Variants in CD8B2 observed in about 807,000 individuals in gnomAD.
CD8B2 encodes the protein CD8B family member 2.
A neutral mutation model predicts 23.7 loss-of-function variants in CD8B2; 11 were observed. That is an observed-to-expected ratio of 0.46 (90% CI 0.29 to 0.77). The LOEUF (loss-of-function observed/expected upper bound fraction) is 0.77, where lower values mean the gene tolerates loss of function less well. CD8B2 is among the 30% of genes least tolerant of loss of function. The pLI is 0.09. For missense variants in CD8B2, 197 were observed against 270.5 expected, an observed-to-expected ratio of 0.73 and a Z score of 1.91; for synonymous variants, 90 against 109.3, an observed-to-expected ratio of 0.82 and a Z score of 1.10.
At chr2:106,519,139 AGT>A (rs1558883080) in intron 5 of CD8B2, among the ~76,000 whole-genome samples, 1 of 152,232 alleles carries the variant, frequency 6.6e-6, no homozygotes, top group Non-Finnish European at 1.5e-5. Context: ...TATTTTTAAT[AGT>A]ACACTTACAA....
chr2:106,507,252 C>A lies in CD8B2; in HGVS notation c.*312C>A, dbSNP rs1179544447. ...TCCTGTGCTTTCCCTGAGCTGGGAC[C>A]TTTAGTGGTGGCCGTTTAGCCACCA... On this transcript the variant is annotated 3_prime_UTR_variant, in exon 6 of 6. Coordinates refer to ENST00000643224, the MANE Select transcript of CD8B2 (RefSeq NM_001349727.2). 5.9e-6 allele frequency: 7 copies of A among 1,178,550 alleles called. No individual in the cohort carries two copies. The South Asian group carries it at 1.0e-4, about 17-fold the overall frequency. The allele number at this position is 1,178,550 out of a possible 1,614,324, so 73.0% of individuals were successfully genotyped here. A position where few individuals can be genotyped will look rare whatever the true frequency, so the allele number is the denominator to read the frequency against.
At chr2:106,489,695 C>T (rs188971370) in intron 1 of CD8B2, among the ~76,000 whole-genome samples, 1 of 152,260 alleles carries the variant, frequency 6.6e-6, no homozygotes, top group African/African-American at 2.4e-5. Context: ...AATTTACTTC[C>T]AGTAACAACC....
intron 3 of CD8B2, among the ~76,000 whole-genome samples, chr2:106,499,315 C>A (rs1340255669): frequency 6.6e-6 from 1 of 151,978 alleles, no homozygotes; most frequent in Admixed American, 6.6e-5. Flanking sequence ...GGTGGATCAC[C>A]TGAGGTCAGG....
intron 5 of CD8B2, among the ~76,000 whole-genome samples, chr2:106,541,284 C>T (rs1680169691): frequency 6.6e-6 from 1 of 152,124 alleles, no homozygotes; most frequent in South Asian, 2.1e-4. Flanking sequence ...TGGTTAGTGA[C>T]CCCCTATGGA....
At chr2:106,505,935 C>T (rs1679496579) in intron 5 of CD8B2, among the ~76,000 whole-genome samples, 1 of 152,126 alleles carries the variant, frequency 6.6e-6, no homozygotes, top group Non-Finnish European at 1.5e-5. Flanking sequence ...AGTTTGAGAC[C>T]AGCCTGGCCA....
chr2:106,532,004 A>G (rs937568078), intron 5 of CD8B2, among the ~76,000 whole-genome samples: 3 of 152,208 alleles, frequency 2.0e-5, no homozygotes, highest in Non-Finnish European at 4.4e-5. Flanking sequence ...CAGCAAAGTA[A>G]CAGATCTCCA....
chr2:106,534,401 AACAACAACAACAAC>A (rs1273219354), intron 5 of CD8B2, among the ~76,000 whole-genome samples: 2 of 152,096 alleles, frequency 1.3e-5, no homozygotes, highest in African/African-American at 2.4e-5. Flanking sequence ...ATCCGATGCC[AACAACAACAACAAC>A]ACAACAACAA....
At chr2:106,502,436 G>A (rs1296409577) in intron 3 of CD8B2, 38 bp from the exon 4 acceptor site, 2 of 1,257,486 alleles carry the variant, frequency 1.6e-6, no homozygotes, top group East Asian at 2.5e-5. Context: ...GCAGAAAAAT[G>A]TTCTGTGTTG....
chr2:106,532,628 G>A (rs1378429653), intron 5 of CD8B2, among the ~76,000 whole-genome samples: 1 of 152,192 alleles, frequency 6.6e-6, no homozygotes, highest in Non-Finnish European at 1.5e-5. Flanking sequence ...TTCTGCAAAA[G>A]GGGTGGGCAA....
chr2:106,517,816 C>T (rs534080333), intron 5 of CD8B2, among the ~76,000 whole-genome samples: 3 of 152,090 alleles, frequency 2.0e-5, no homozygotes, highest in African/African-American at 7.2e-5. Flanking sequence ...GGGTTCACGC[C>T]GTTCTCCTGC....
At position 106,505,453 on chromosome 2, in the gene CD8B2, G is replaced by A. The variant is rs991062370; in HGVS notation, c.620+1128G>A. Among the ~76,000 whole-genome samples, 6 of 152,270 alleles carry A rather than the reference G, an allele frequency of 3.9e-5. 1 individual carries two copies. The highest frequency in any genetic ancestry group is 1.9e-4 in the East Asian group (1 of 5,168). ...TTCTCGTCTGTTAAATGAGCTAACA[G>A]TGCCAATCTCACAGTCAGTGTGAGG... On this transcript the variant is annotated intron_variant, in intron 5 of 5. Coordinates refer to ENST00000643224, the MANE Select transcript of CD8B2 (RefSeq NM_001349727.2).
At chr2:106,513,723 AC>A, downstream of CD8B2, among the ~76,000 whole-genome samples, 1 of 151,618 alleles carries the variant, frequency 6.6e-6, no homozygotes. Context: ...CCACCCCTCC[AC>A]CCTTACCTCA....
At chr2:106,500,142 T>C (rs1189318218) in intron 3 of CD8B2, among the ~76,000 whole-genome samples, 1 of 71,534 alleles carries the variant, frequency 1.4e-5, no homozygotes, top group Non-Finnish European at 2.8e-5. Flanking sequence ...TCCTGCCTTT[T>C]AGTAGCTGGG....
downstream of CD8B2, chr2:106,511,188 TGAGGCAGGTCCGAG>T (rs1375586847): frequency 4.6e-5 from 7 of 152,210 alleles, no homozygotes; most frequent in African/African-American, 9.6e-5. Context: ...GAAATCACGG[TGAGGCAGGTCCGAG>T]GTGGCCAGAC....
At chr2:106,512,580 C>T (rs1679653661), downstream of CD8B2, among the ~76,000 whole-genome samples, 1 of 151,966 alleles carries the variant, frequency 6.6e-6, no homozygotes, top group Admixed American at 6.6e-5. Flanking sequence ...GTAGCTGGGA[C>T]TACAGGTGCT....
Position 106,497,048 on chromosome 2 carries a change from G to A in CD8B2, c.493+786G>A, listed in dbSNP as rs527767204. Among the ~76,000 whole-genome samples, 11 of 152,362 alleles carry A rather than the reference G, an allele frequency of 7.2e-5. No individual in the cohort carries two copies. The South Asian group carries it at 2.3e-3, about 32-fold the overall frequency. On this transcript the variant is annotated intron_variant, in intron 3 of 5. Transcript: ENST00000643224. ...CCAGCACTTTGGGAGGCCCAGATGGGTGGATCGCCTTGAGCTCAGGAGTTA... is the reference window on the plus strand; with the variant it reads ...CCAGCACTTTGGGAGGCCCAGATGGATGGATCGCCTTGAGCTCAGGAGTTA...
rs988291498 is a variant in CD8B2, at chr2:106,490,880, A to C, written c.50A>C (p.His17Pro). 1 of 1,571,718 alleles carries C rather than the reference A, an allele frequency of 6.4e-7. No individual in the cohort carries two copies. Among genetic ancestry groups the C allele is most frequent in the African/African-American group, 1.4e-5 (1 of 74,000 alleles). ...LLLAAQLTVL[H>P]GNSVLQQTPA... Reference sequence around the variant, plus strand: ...TGTTCTTGGCTTTTCCTAGTTCTCCATGGCAACTCAGTCCTCCAGCAGACC... The same window carrying C: ...TGTTCTTGGCTTTTCCTAGTTCTCCCTGGCAACTCAGTCCTCCAGCAGACC... The change falls in exon 2 of 6, where the codon CAT (histidine) becomes CCT (proline). Residue 17 changes from histidine (H) to proline (P), a missense_variant. His to Pro is a moderately conservative substitution (Grantham distance 77). This residue lies in a region of CD8B2 where 140 missense variants were observed against 164.2 expected (regional missense o/e 0.85). Coordinates refer to ENST00000643224, the MANE Select transcript of CD8B2 (RefSeq NM_001349727.2).
intron 5 of CD8B2, among the ~76,000 whole-genome samples, chr2:106,526,658 T>G (rs1318899495): frequency 6.6e-6 from 1 of 152,252 alleles, no homozygotes; most frequent in African/African-American, 2.4e-5. Flanking sequence ...TTTTTTCTTT[T>G]TTCCTTTTTG....
chr2:106,541,272 G>C (rs950244854), intron 5 of CD8B2, among the ~76,000 whole-genome samples: 8 of 152,088 alleles, frequency 5.3e-5, no homozygotes, highest in African/African-American at 1.9e-4. Flanking sequence ...CTCTCTTGTT[G>C]GTGGTTAGTG....
Sources: gnomAD v4.1 joint callset for allele counts (sites outside exome capture counted in the v4.1 genomes callset) on GRCh38, gnomAD v4.1.1 for gene constraint, gnomAD v4.1.1 regional missense constraint, MANE v1.5 for transcripts, NCBI Gene and HGNC (gene_info 2026-07-23, HGNC 2026-07-21) for gene names.